ENTHD1: variants seen among roughly 807,000 people sequenced by gnomAD.
ENTHD1 encodes the protein ENTH domain containing 1.
ENTHD1 carries 23 observed loss-of-function variants against 39.1 expected under a neutral mutation model. The observed-to-expected ratio is 0.59, with a 90% CI of 0.42 to 0.83. The LOEUF (loss-of-function observed/expected upper bound fraction) is 0.83. ENTHD1 is among the 40% of genes least tolerant of loss of function. The pLI is 0.00. For synonymous variants in ENTHD1, 230 were observed against 258.2 expected (o/e 0.89, Z 1.05); for missense variants, 624 against 705.4 (o/e 0.88, Z 1.31).
At chr22:39,782,182 G>C (rs2065415913) in intron 5 of ENTHD1, among the ~76,000 whole-genome samples, 1 of 152,142 alleles carries the variant, frequency 6.6e-6, no homozygotes, top group South Asian at 2.1e-4. Context: ...AGCTACCCGG[G>C]AGGCTGAGGC....
chr22:39,754,381 C>T (rs952240979), intron 6 of ENTHD1, among the ~76,000 whole-genome samples: 3 of 152,204 alleles, frequency 2.0e-5, no homozygotes, highest in East Asian at 3.8e-4. Context: ...GCACCAATCA[C>T]GCTCTCCCAG....
At chr22:39,808,196 A>AC (rs138119356) in intron 5 of ENTHD1, among the ~76,000 whole-genome samples, 1 of 152,016 alleles carries the variant, frequency 6.6e-6, no homozygotes, top group African/African-American at 2.4e-5. Context: ...TACTATCATC[A>AC]CCCATCCCTC....
chr22:39,828,183 A>T (rs1025852716), intron 4 of ENTHD1, among the ~76,000 whole-genome samples: 1 of 152,206 alleles, frequency 6.6e-6, no homozygotes, highest in Non-Finnish European at 1.5e-5. Flanking sequence ...AAATCACTGG[A>T]AACTGCTGGA....
Position 39,867,877 on chromosome 22 carries a change from T to TC in ENTHD1, c.350-5871_350-5870insG, listed in dbSNP as rs2066201219. Among the ~76,000 whole-genome samples, 1 of 151,874 alleles carries TC rather than the reference T, an allele frequency of 6.6e-6. No individual in the cohort carries two copies. The highest frequency in any genetic ancestry group is 1.5e-5 in the Non-Finnish European group (1 of 67,966). ...CTGTTCTATTCCAAATACACAGCAA[T>TC]AATAGACACTGCCAGTCTCAAAAAC... On this transcript the variant is annotated intron_variant, in intron 2 of 6. Coordinates refer to ENST00000325157, the MANE Select transcript of ENTHD1 (RefSeq NM_152512.4). The surrounding 1 kb of genome is among the most constrained non-coding windows in gnomAD (Gnocchi z 4.5).
intron 3 of ENTHD1, among the ~76,000 whole-genome samples, chr22:39,838,617 T>C (rs956032409): frequency 6.6e-6 from 1 of 152,102 alleles, no homozygotes; most frequent in African/African-American, 2.4e-5. Context: ...CAGTTCCAAT[T>C]ATCTCATAAA....
chr22:39,858,512 G>A (rs978855821), intron 3 of ENTHD1, among the ~76,000 whole-genome samples: 8 of 152,190 alleles, frequency 5.3e-5, no homozygotes, highest in African/African-American at 1.9e-4. Context: ...ATCTAGAGTG[G>A]TGAATCTTTT....
rs148502431 is a variant in ENTHD1 at position 39,745,722 on chromosome 22, C to T, written c.1220-1439G>A. Among the ~76,000 whole-genome samples the T allele has an allele frequency of 3.3e-5, 5 of 152,224 alleles. No individual in the cohort carries two copies. The East Asian group carries it at 7.7e-4, about 24-fold the overall frequency. ...GTAGTGGGCATGTTAATGACGATAGCCATGAGAAGTAAAAGTTTTGAGAAC... is the reference window on the plus strand; with the variant it reads ...GTAGTGGGCATGTTAATGACGATAGTCATGAGAAGTAAAAGTTTTGAGAAC... On this transcript the variant is annotated intron_variant, in intron 6 of 6. Coordinates refer to ENST00000325157, the MANE Select transcript of ENTHD1 (RefSeq NM_152512.4).
chr22:39,841,276 T>C (rs188389330), intron 3 of ENTHD1, among the ~76,000 whole-genome samples: 1 of 152,254 alleles, frequency 6.6e-6, no homozygotes, highest in African/African-American at 2.4e-5. Context: ...GGAAAAGCCA[T>C]TGTAGGTTGG....
intron 5 of ENTHD1, among the ~76,000 whole-genome samples, chr22:39,803,943 C>G (rs2065620042): frequency 6.6e-6 from 1 of 151,846 alleles, no homozygotes; most frequent in African/African-American, 2.4e-5. Context: ...AGGAGGGTCA[C>G]TTGAGCCCAA....
chr22:39,849,068 T>A (rs1042512083), intron 3 of ENTHD1, among the ~76,000 whole-genome samples: 2 of 152,204 alleles, frequency 1.3e-5, no homozygotes, highest in African/African-American at 4.8e-5. Context: ...TCCATGCACC[T>A]ATCCTGCATC....
intron 2 of ENTHD1, among the ~76,000 whole-genome samples, chr22:39,873,580 C>T (rs944751349): frequency 6.6e-6 from 1 of 152,170 alleles, no homozygotes; most frequent in Admixed American, 6.5e-5. Flanking sequence ...ACCTAAATAA[C>T]TTAATATCTC....
At chr22:39,828,123 A>C (rs1290377246) in intron 4 of ENTHD1, among the ~76,000 whole-genome samples, 1 of 152,226 alleles carries the variant, frequency 6.6e-6, no homozygotes, top group Non-Finnish European at 1.5e-5. Flanking sequence ...TACATATTGA[A>C]TGAGACCAGT....
chr22:39,827,132 C>T (rs903682231), intron 4 of ENTHD1, among the ~76,000 whole-genome samples: 2 of 151,752 alleles, frequency 1.3e-5, no homozygotes, highest in African/African-American at 2.4e-5. Context: ...TCTCCTGCCT[C>T]AGCCTCCCAA....
chr22:39,756,796 C>T (rs2065189109), intron 6 of ENTHD1, among the ~76,000 whole-genome samples: 1 of 152,088 alleles, frequency 6.6e-6, no homozygotes, highest in African/African-American at 2.4e-5. Context: ...GTCAATATTT[C>T]AACATTTATA....
intron 5 of ENTHD1, among the ~76,000 whole-genome samples, chr22:39,796,284 C>T (rs1214158938): frequency 6.6e-6 from 1 of 151,190 alleles, no homozygotes; most frequent in South Asian, 2.1e-4. Context: ...TTTCTTTTTC[C>T]TTTTTTGAGA....
chr22:39,818,918 A>G (rs914003202), intron 5 of ENTHD1, among the ~76,000 whole-genome samples: 1 of 152,268 alleles, frequency 6.6e-6, no homozygotes, highest in Non-Finnish European at 1.5e-5. Flanking sequence ...AACCTGCCAC[A>G]GATGTTTAAA....
intron 6 of ENTHD1, among the ~76,000 whole-genome samples, chr22:39,757,886 T>TGA (rs1466623199): frequency 2.0e-5 from 3 of 152,076 alleles, no homozygotes; most frequent in Admixed American, 2.0e-4. Context: ...TATAAGTGTT[T>TGA]GACAGTTCCT....
intron 5 of ENTHD1, among the ~76,000 whole-genome samples, chr22:39,767,613 T>C (rs937019483): frequency 3.3e-5 from 5 of 152,226 alleles, no homozygotes; most frequent in Admixed American, 2.6e-4. Flanking sequence ...TAAATATTTT[T>C]CCATTGACTT....
chr22:39,762,952 C>CT (rs2065247769), intron 6 of ENTHD1, among the ~76,000 whole-genome samples: 2 of 151,828 alleles, frequency 1.3e-5, no homozygotes. Flanking sequence ...TGCTTGGTAA[C>CT]TTTTTGTTGA....
Sources: allele counts gnomAD v4.1 joint callset (sites outside exome capture counted in the v4.1 genomes callset), GRCh38; gene constraint gnomAD v4.1.1; non-coding constraint Gnocchi (gnomAD v3.1); transcripts MANE v1.5; gene names NCBI Gene and HGNC (gene_info 2026-07-23, HGNC 2026-07-21).